The following PECAM1 variants were observed in gnomAD, a reference collection of about 807,000 sequenced individuals.
PECAM1 encodes the protein platelet and endothelial cell adhesion molecule 1, also known as platelet endothelial cell adhesion molecule.
A neutral mutation model predicts 13.8 loss-of-function variants in PECAM1; 8 were observed. That is an observed-to-expected ratio of 0.58 (90% CI 0.34 to 1.05). PECAM1 has a LOEUF of 1.05. Ranked by LOEUF, PECAM1 falls within the 50% of genes least tolerant of loss-of-function variation. The pLI is 0.03. For synonymous variants in PECAM1, 136 were observed against 52.6 expected (o/e 2.58, Z -6.86); for missense variants, 304 against 141.2 (o/e 2.15, Z -5.84).
At chr17:64,367,318 G>A (rs879029828) in intron 5 of PECAM1, among the ~76,000 whole-genome samples, 14 of 152,052 alleles carry the variant, frequency 9.2e-5, no homozygotes, top group Non-Finnish European at 1.5e-4. Flanking sequence ...TTGGGAGGCC[G>A]AGGTGGACGG....
At chr17:64,331,883 G>A (rs1256397907) in intron 14 of PECAM1, among the ~76,000 whole-genome samples, 2 of 152,240 alleles carry the variant, frequency 1.3e-5, no homozygotes, top group African/African-American at 4.8e-5. Context: ...CTCGAAGGTG[G>A]TGGAGGGAAT....
At chr17:64,338,239 A>AT (rs149206249) in intron 14 of PECAM1, among the ~76,000 whole-genome samples, 1,708 of 108,784 alleles carry the variant, frequency 0.016, 41 homozygotes, top group African/African-American at 0.052. Context: ...ATTTTTTAAA[A>AT]TTTTTTTTTT....
Position 64,322,986 on chromosome 17 carries a change from C to T in PECAM1, c.*830G>A, listed in dbSNP as rs149976701. The T allele has an allele frequency of 4.7e-3, 4,387 of 938,116 alleles. 144 individuals carry two copies. The African/African-American group carries it at 0.074, about 16-fold the overall frequency. The allele number at this position is 938,116 out of a possible 1,614,324, so 58.1% of individuals were successfully genotyped here. ...CCTCCTGAAGTGCTGGGATTACAGG[C>T]GTGAGCCACCTTGCCTGCCCTGGCA... On this transcript the variant is annotated 3_prime_UTR_variant, in exon 16 of 16. Transcript: ENST00000563924.
rs960004847 is a variant in PECAM1, at chr17:64,321,372, C to A, written c.*2444G>T. 8 of 947,902 alleles carry A rather than the reference C, an allele frequency of 8.4e-6. No individual in the cohort carries two copies. Among genetic ancestry groups the A allele is most frequent in the Non-Finnish European group, 1.0e-5 (8 of 795,542 alleles). 58.7% of individuals were successfully genotyped at this position (947,902 alleles called of 1,614,324 possible). ...GCCAGCGTCCTGGATTCAGACAGAC[C>A]TTTTAGCCATTAAATCCACTAAGAA... On this transcript the variant is annotated 3_prime_UTR_variant, in exon 16 of 16. Coordinates refer to ENST00000563924, the MANE Select transcript of PECAM1 (RefSeq NM_000442.5).
chr17:64,369,014 G>A (rs1211645046), intron 5 of PECAM1, among the ~76,000 whole-genome samples: 12 of 114,380 alleles, frequency 1.0e-4, no homozygotes, highest in Non-Finnish European at 1.5e-4. Flanking sequence ...TCAGCTCACC[G>A]CAGCCTCTGC....
At chr17:64,340,926 C>T (rs953135203) in intron 14 of PECAM1, among the ~76,000 whole-genome samples, 2 of 152,024 alleles carry the variant, frequency 1.3e-5, no homozygotes, top group African/African-American at 2.4e-5. Context: ...GGAGAAACCC[C>T]GTCTCTACTA....
intron 14 of PECAM1, 53 bp from the exon 15 acceptor site, chr17:64,329,775 C>A: frequency 1.3e-6 from 1 of 747,174 alleles, no homozygotes; most frequent in South Asian, 1.4e-5. Context: ...CCCAGTTCAA[C>A]TGCCCCAACA....
chr17:64,336,642 T>C (rs1205097348), intron 14 of PECAM1, among the ~76,000 whole-genome samples: 1 of 152,154 alleles, frequency 6.6e-6, no homozygotes, highest in Non-Finnish European at 1.5e-5. Context: ...CCCAGCACTT[T>C]GGGAGGCCAA....
intron 5 of PECAM1, among the ~76,000 whole-genome samples, chr17:64,368,455 C>A (rs2036161320): frequency 6.6e-6 from 1 of 152,060 alleles, no homozygotes; most frequent in South Asian, 2.1e-4. Flanking sequence ...ACCCTGTAAT[C>A]CTTCGTTGAG....
chr17:64,380,599 A>T (rs1011337227), intron 2 of PECAM1, among the ~76,000 whole-genome samples: 5 of 152,318 alleles, frequency 3.3e-5, no homozygotes, highest in South Asian at 2.1e-4. Flanking sequence ...ATTTTTTAAA[A>T]TTTTTGAGTG....
chr17:64,363,535 C>T (rs2036033755), intron 5 of PECAM1, 138 bp from the exon 6 acceptor site: 1 of 460,432 alleles, frequency 2.2e-6, no homozygotes, highest in Non-Finnish European at 3.9e-6. Context: ...CTTTGCTTCT[C>T]ATGTACCTAA....
chr17:64,337,478 C>T lies in PECAM1; in HGVS notation c.2164+4156G>A, dbSNP rs909670086. 5.0e-3 allele frequency among the ~76,000 whole-genome samples: 755 copies of T among 152,322 alleles called. 6 individuals are homozygous for T. Among genetic ancestry groups the T allele is most frequent in the African/African-American group, 0.017 (722 of 41,562 alleles). On this transcript the variant is annotated intron_variant, in intron 14 of 15. Coordinates refer to ENST00000563924, the MANE Select transcript of PECAM1 (RefSeq NM_000442.5). ...TGACTGTGGGGATAACCAGCACCAT[C>T]TCCCATGATTCTATCTCATTTAACC... is the stretch of plus-strand genomic sequence containing the variant.
chr17:64,377,946 A>C lies in PECAM1; in HGVS notation c.263T>G (p.Met88Arg). Residue 88 changes from methionine to arginine, a missense_variant, in exon 3 of 16, where the codon ATG (methionine) becomes AGG (arginine). Physicochemically the swap from Met to Arg is moderately conservative, Grantham distance 91. Transcript: ENST00000563924. The part of the protein sequence containing the change: ...DDVLFYNISS[M>R]KSTESYFIPE... ...AATAAAATAACTCTCTGTGCTCTTC[A>C]TGGAGGAGATGTTGTAAAACAGCAC... The C allele has an allele frequency of 2.1e-6, 1 of 475,304 alleles. No homozygotes were observed. 29.4% of individuals were successfully genotyped at this position (475,304 alleles called of 1,614,324 possible). A position where few individuals can be genotyped will look rare whatever the true frequency, so the allele number is the denominator to read the frequency against.
rs2035630992 is a variant in PECAM1 at position 64,348,248 on chromosome 17, A to C, written c.2107+12T>G. 1 of 475,056 alleles carries C rather than the reference A, an allele frequency of 2.1e-6. No individual in the cohort carries two copies. The highest frequency in any genetic ancestry group is 3.9e-6 in the Non-Finnish European group (1 of 259,004). The allele number at this position is 475,056 out of a possible 1,614,324, so 29.4% of individuals were successfully genotyped here. On this transcript the variant is annotated intron_variant, in intron 13 of 15. Coordinates refer to ENST00000563924, the MANE Select transcript of PECAM1 (RefSeq NM_000442.5). Reference sequence around the variant, plus strand: ...AAGGCAATGCCTGGGGACTCACTCGAGTGGCACTTACCTTTGTGAGACTCA... The same window carrying C: ...AAGGCAATGCCTGGGGACTCACTCGCGTGGCACTTACCTTTGTGAGACTCA...
At position 64,338,720 on chromosome 17, in the gene PECAM1, G is replaced by C. The variant is rs1009301667; in HGVS notation, c.2164+2914C>G. Among the ~76,000 whole-genome samples the C allele has an allele frequency of 5.1e-3, 783 of 152,126 alleles. 8 individuals are homozygous for C. Among genetic ancestry groups the C allele is most frequent in the African/African-American group, 0.018 (737 of 41,510 alleles). ...TTACAGGTACATGCCACCATGCCTA[G>C]ATAATTTTTTGTATTTTTAGTAGAG... On this transcript the variant is annotated intron_variant, in intron 14 of 15. Coordinates refer to ENST00000563924, the MANE Select transcript of PECAM1 (RefSeq NM_000442.5).
intron 11 of PECAM1, among the ~76,000 whole-genome samples, chr17:64,351,758 C>A (rs1212464571): frequency 1.3e-5 from 2 of 152,036 alleles, no homozygotes; most frequent in African/African-American, 2.4e-5. Context: ...TGGTCTGGGA[C>A]AGGACTTTTT....
chr17:64,350,581 G>A (rs2035695727), intron 11 of PECAM1, 148 bp from the exon 12 acceptor site: 2 of 400,512 alleles, frequency 5.0e-6, no homozygotes, highest in Non-Finnish European at 9.1e-6. Context: ...GGGTCCCCTC[G>A]TTGGCCCTCC....
intron 2 of PECAM1, among the ~76,000 whole-genome samples, chr17:64,389,651 A>G (rs963447939): frequency 1.2e-3 from 182 of 152,340 alleles, no homozygotes; most frequent in African/African-American, 4.1e-3. Flanking sequence ...TACAATATTC[A>G]AATAAGCCAT....
chr17:64,386,926 A>G (rs2143916272), intron 2 of PECAM1, among the ~76,000 whole-genome samples: 1 of 152,140 alleles, frequency 6.6e-6, no homozygotes, highest in East Asian at 1.9e-4. Flanking sequence ...TGGACTGTGA[A>G]GGTGGGAGGA....
Sources: allele counts gnomAD v4.1 joint callset (sites outside exome capture counted in the v4.1 genomes callset), GRCh38; gene constraint gnomAD v4.1.1; transcripts MANE v1.5; gene names NCBI Gene and HGNC (gene_info 2026-07-23, HGNC 2026-07-21).